The following HPRT1 variants were observed in gnomAD, a reference collection of about 807,000 sequenced individuals.
The protein encoded by HPRT1 is hypoxanthine phosphoribosyltransferase 1.
A neutral mutation model predicts 19.0 loss-of-function variants in HPRT1; 4 were observed. The ratio of observed to expected loss-of-function variants is 0.21; its 90% CI spans 0.10 to 0.48. HPRT1 has a LOEUF of 0.48. Ranked by LOEUF, HPRT1 falls within the 20% of genes least tolerant of loss-of-function variation. The pLI, the probability that HPRT1 is intolerant of heterozygous loss-of-function variation, is 0.98. For missense variants in HPRT1, 65 were observed against 164.0 expected (o/e 0.40, Z 3.30); for synonymous variants, 53 against 54.9 (o/e 0.97, Z 0.15).
Position 134,473,339 on chromosome X carries a change from C to A in HPRT1, c.28-20C>A. The A allele has an allele frequency of 2.2e-6, 2 of 899,742 alleles. No individual in the cohort carries two copies. The highest frequency in any genetic ancestry group is 2.2e-5 in the Admixed American group (1 of 45,597). The allele number at this position is 899,742 out of a possible 1,213,427, so 74.1% of individuals were successfully genotyped here. A position where few individuals can be genotyped will look rare whatever the true frequency, so the allele number is the denominator to read the frequency against. On this transcript the variant is annotated intron_variant, in intron 1 of 8. Transcript: ENST00000298556. ...GTATCCTGTAATGCTCTCATTGAAA[C>A]AGCTATATTTCTTTTTCAGATTAGT...
chrX:134,475,031 C>T, intron 2 of HPRT1, 150 bp from the exon 3 acceptor site: 1 of 456,891 alleles, frequency 2.2e-6, no homozygotes, highest in Non-Finnish European at 3.8e-6. Flanking sequence ...CAGGTACATG[C>T]TACCATGCCT....
rs189582614 is a variant in HPRT1 at position 134,495,869 on chromosome X, A to G, written c.485+2279A>G. Among the ~76,000 whole-genome samples, 8 of 112,304 alleles carry G rather than the reference A, an allele frequency of 7.1e-5. No homozygotes were observed. In the East Asian group the frequency reaches 1.4e-3, roughly 20 times the overall value. Reference sequence around the variant, plus strand: ...CATTCCATATAAATGGACTCATGCAATATCCTGTCTTCTTTCACTTAGCAT... The same window carrying G: ...CATTCCATATAAATGGACTCATGCAGTATCCTGTCTTCTTTCACTTAGCAT... On this transcript the variant is annotated intron_variant, in intron 6 of 8. Coordinates refer to ENST00000298556, the MANE Select transcript of HPRT1 (RefSeq NM_000194.3).
Position 134,500,360 on chromosome X carries a change from GA to G in HPRT1, c.*285del. 3.6e-6 allele frequency: 1 copy of G among 281,006 alleles called. No individual in the cohort carries two copies. The highest frequency in any genetic ancestry group is 6.2e-6 in the Non-Finnish European group (1 of 160,906). 23.2% of individuals were successfully genotyped at this position (281,006 alleles called of 1,213,427 possible). A position where few individuals can be genotyped will look rare whatever the true frequency, so the allele number is the denominator to read the frequency against. ...CCACAGCACTATTGAGTGAAACATT[GA>G]ACTCATATCTGTAAGAAATAAAGAG... is the stretch of plus-strand genomic sequence containing the variant. On this transcript the variant is annotated 3_prime_UTR_variant, in exon 9 of 9. Transcript: ENST00000298556.
intron 3 of HPRT1, among the ~76,000 whole-genome samples, chrX:134,479,607 T>G (rs1480516650): frequency 9.1e-6 from 1 of 109,340 alleles, no homozygotes; most frequent in Non-Finnish European, 1.9e-5. Context: ...TTGTTTTGTT[T>G]TTGTTTTTGT....
chrX:134,478,447 T>A (rs1207103769), intron 3 of HPRT1, among the ~76,000 whole-genome samples: 1 of 110,202 alleles, frequency 9.1e-6, no homozygotes, highest in Non-Finnish European at 1.9e-5. Flanking sequence ...TGAGACCCCC[T>A]CTCTACACAA....
chrX:134,491,416 T>C (rs904915987), intron 5 of HPRT1, among the ~76,000 whole-genome samples: 12 of 111,609 alleles, frequency 1.1e-4, no homozygotes, highest in Middle Eastern at 9.2e-3. Context: ...GATAAACCCA[T>C]CTGAAGTTGA....
chrX:134,461,603 A>G (rs2124281612), intron 1 of HPRT1, among the ~76,000 whole-genome samples: 1 of 112,160 alleles, frequency 8.9e-6, no homozygotes, highest in South Asian at 3.8e-4. Flanking sequence ...GGATTATAAG[A>G]CAGTCTATGT....
chrX:134,497,945 TAA>T (rs746184635), intron 6 of HPRT1, among the ~76,000 whole-genome samples: 2 of 95,769 alleles, frequency 2.1e-5, no homozygotes, highest in Admixed American at 1.1e-4. Context: ...AGATTCCGTC[TAA>T]AAAAAAAAAA....
At chrX:134,488,725 A>T (rs1052573210) in intron 4 of HPRT1, among the ~76,000 whole-genome samples, 13 of 111,100 alleles carry the variant, frequency 1.2e-4, no homozygotes, top group African/African-American at 3.9e-4. Context: ...CCATGCTGGG[A>T]TTCATTTGAA....
intron 1 of HPRT1, among the ~76,000 whole-genome samples, chrX:134,467,973 A>AT (rs369172664): frequency 0.013 from 1,324 of 103,779 alleles, 24 homozygotes; most frequent in African/African-American, 0.044. Context: ...TGCCTGGCTA[A>AT]TTTTTTTTTT....
chrX:134,468,228 C>T (rs191230879), intron 1 of HPRT1, among the ~76,000 whole-genome samples: 5 of 108,585 alleles, frequency 4.6e-5, no homozygotes, highest in Non-Finnish European at 7.6e-5. Context: ...CTAACTCTCT[C>T]TAGTATGCAT....
intron 1 of HPRT1, among the ~76,000 whole-genome samples, chrX:134,462,808 C>A (rs1198241700): frequency 1.8e-5 from 2 of 112,192 alleles, no homozygotes; most frequent in Non-Finnish European, 3.8e-5. Context: ...ATAACAAATG[C>A]TTAAATGGTG....
intron 1 of HPRT1, among the ~76,000 whole-genome samples, chrX:134,465,994 C>T (rs931998113): frequency 9.1e-6 from 1 of 110,141 alleles, no homozygotes. Flanking sequence ...CTCCCACACC[C>T]CCCCCATACC....
In HPRT1 at chrX:134,473,434, G is replaced by A; in HGVS notation, c.103G>A (p.Val35Met). ...PNHYAEDLER[V>M]FIPHGLIMDR... ...TCATTATGCTGAGGATTTGGAAAGG[G>A]TGTTTATTCCTCATGGACTAATTAT... The change falls in exon 2 of 9, where the codon GTG (valine) becomes ATG (methionine). Residue 35 changes from valine (V) to methionine (M), a missense_variant. Val to Met is a conservative substitution (Grantham distance 21). Around this residue, in one of 4 missense-constraint regions of HPRT1, gnomAD observed 23 missense variants for 29.3 expected, o/e 0.79. Coordinates refer to ENST00000298556, the MANE Select transcript of HPRT1 (RefSeq NM_000194.3). 8.5e-7 allele frequency: 1 copy of A among 1,172,000 alleles called. No individual in the cohort carries two copies. Among genetic ancestry groups the A allele is most frequent in the Non-Finnish European group, 1.2e-6 (1 of 859,387 alleles).
rs1467284494 is a variant in HPRT1 at position 134,460,302 on chromosome X, C to T, written c.-10C>T. 4.4e-6 allele frequency: 5 copies of T among 1,132,559 alleles called. No individual in the cohort carries two copies. The highest frequency in any genetic ancestry group is 5.8e-6 in the Non-Finnish European group (5 of 860,197). 93.3% of individuals were successfully genotyped at this position (1,132,559 alleles called of 1,213,427 possible). A position where few individuals can be genotyped will look rare whatever the true frequency, so the allele number is the denominator to read the frequency against. On this transcript the variant is annotated 5_prime_UTR_variant, in exon 1 of 9. Coordinates refer to ENST00000298556, the MANE Select transcript of HPRT1 (RefSeq NM_000194.3). ...CTGAGCAGTCAGCCCGCGCGCCGGC[C>T]GGCTCCGTTATGGCGACCCGCAGCC...
At chrX:134,485,087 A>G (rs745944477) in intron 3 of HPRT1, among the ~76,000 whole-genome samples, 2 of 112,372 alleles carry the variant, frequency 1.8e-5, no homozygotes, top group South Asian at 3.7e-4. Flanking sequence ...AGGTATTGCT[A>G]TGTCATTTTC....
intron 3 of HPRT1, 45 bp from the exon 4 acceptor site, chrX:134,486,420 T>C: frequency 1.5e-6 from 1 of 685,409 alleles, no homozygotes; most frequent in East Asian, 3.7e-5. Context: ...TATACATATG[T>C]GTGTGTAGAT....
chrX:134,484,259 A>G, intron 3 of HPRT1, among the ~76,000 whole-genome samples: 1 of 112,551 alleles, frequency 8.9e-6, no homozygotes, highest in Middle Eastern at 4.6e-3. Context: ...TATTTAACAG[A>G]TTTTATAAAT....
chrX:134,474,744 T>G (rs1005034125), intron 2 of HPRT1, among the ~76,000 whole-genome samples: 1 of 111,777 alleles, frequency 8.9e-6, no homozygotes, highest in Non-Finnish European at 1.9e-5. Flanking sequence ...GTCTGATAGG[T>G]GAAAATGGTA....
Sources: gnomAD v4.1 joint callset for allele counts (sites outside exome capture counted in the v4.1 genomes callset) on GRCh38, gnomAD v4.1.1 for gene constraint, gnomAD v4.1.1 regional missense constraint, MANE v1.5 for transcripts, NCBI Gene and HGNC (gene_info 2026-07-23, HGNC 2026-07-21) for gene names.